Variants in LPP observed in about 807,000 individuals in gnomAD.
LPP encodes the protein LIM domain containing preferred translocation partner in lipoma.
In LPP, 38 loss-of-function variants were observed where a neutral mutation model predicts 60.4. The ratio of observed to expected loss-of-function variants is 0.63; its 90% confidence interval spans 0.49 to 0.83. The LOEUF (loss-of-function observed/expected upper bound fraction) is 0.83, where lower values mean the gene tolerates loss of function less well. LPP is among the 40% of genes least tolerant of loss of function. The pLI, the probability that LPP is intolerant of heterozygous loss-of-function variation, is 0.00. For synonymous variants in LPP, 328 were observed against 290.8 expected, an observed-to-expected ratio of 1.13 and a Z score of -1.30; for missense variants, 902 against 783.6, an observed-to-expected ratio of 1.15 and a Z score of -1.80.
At chr3:188,704,988 T>A (rs1577109574) in intron 7 of LPP, among the ~76,000 whole-genome samples, 2 of 152,274 alleles carry the variant, frequency 1.3e-5, no homozygotes, top group Non-Finnish European at 2.9e-5. Flanking sequence ...AAACTACGTC[T>A]CAACTTTGAA....
chr3:188,376,607 G>A (rs538161489), intron 3 of LPP, among the ~76,000 whole-genome samples: 35 of 152,232 alleles, frequency 2.3e-4, no homozygotes, highest in African/African-American at 7.7e-4. Flanking sequence ...GTCTCTGCAC[G>A]TGAGATGGGT....
At position 188,327,482 on chromosome 3, in the gene LPP, G is replaced by A. The variant is rs548388754; in HGVS notation, c.-66-14181G>A. Reference sequence around the variant, plus strand: ...AGTTCCCATTGTATTCTTATTTTACGTTAAAGAAACAGGTTTGGAGAGATA... The same window carrying A: ...AGTTCCCATTGTATTCTTATTTTACATTAAAGAAACAGGTTTGGAGAGATA... On this transcript the variant is annotated intron_variant, in intron 2 of 11. Transcript: ENST00000617246. Among the ~76,000 whole-genome samples the A allele has an allele frequency of 8.5e-5, 13 of 152,180 alleles. No homozygotes were observed. In the East Asian group the frequency reaches 1.5e-3, roughly 18 times the overall value.
chr3:188,597,399 T>C (rs1840194886), intron 6 of LPP, among the ~76,000 whole-genome samples: 1 of 152,190 alleles, frequency 6.6e-6, no homozygotes, highest in African/African-American at 2.4e-5. Context: ...AAGAAACCCC[T>C]GAATGACTTG....
In LPP at chr3:188,790,313, ATGAG is replaced by A. The variant is rs1482485979; in HGVS notation, c.1410+30034_1410+30037del. The stretch of plus-strand genomic sequence containing the variant: ...TTGTGTTTGAAGAAAAATTTCAAAC[ATGAG>A]TGTTTATATGTGAATGTGTGTGTGG... On this transcript the variant is annotated intron_variant, in intron 9 of 11. Transcript: ENST00000617246. Among the ~76,000 whole-genome samples the A allele has an allele frequency of 3.9e-5, 6 of 152,190 alleles. No homozygotes were observed. In the East Asian group the frequency reaches 1.2e-3, roughly 29 times the overall value.
At chr3:188,445,115 G>T (rs539648308) in intron 4 of LPP, among the ~76,000 whole-genome samples, 9 of 152,310 alleles carry the variant, frequency 5.9e-5, no homozygotes, top group Admixed American at 1.3e-4. Flanking sequence ...AATACCATTT[G>T]ACCCAACAAT....
In LPP at chr3:188,872,711, T is replaced by A; in HGVS notation, c.1658T>A (p.Val553Asp). The change falls in exon 11 of 12, where the codon GTC becomes GAC. Residue 553 changes from valine (V) to aspartate (D), a missense_variant. Val to Asp is a radical substitution (Grantham distance 152). Transcript: ENST00000617246. ...IMPAPGQEET[V>D]RIVALDRDFH... ...CCAGCCCCGGGCCAGGAGGAGACTG[T>A]CCGTATTGTGGCTTTGGATCGAGAT... 6.2e-7 allele frequency: 1 copy of A among 1,614,152 alleles called. No individual in the cohort carries two copies. The highest frequency in any genetic ancestry group is 8.5e-7 in the Non-Finnish European group (1 of 1,180,014).
intron 7 of LPP, among the ~76,000 whole-genome samples, chr3:188,673,127 A>G (rs966724709): frequency 6.6e-6 from 1 of 152,200 alleles, no homozygotes; most frequent in Admixed American, 6.5e-5. Context: ...TTGAAGGAGT[A>G]CAAATTAAAC....
At chr3:188,163,086 T>A (rs1193342910) in intron 1 of LPP, among the ~76,000 whole-genome samples, 1 of 152,220 alleles carries the variant, frequency 6.6e-6, no homozygotes, top group Non-Finnish European at 1.5e-5. Context: ...GCAGTGTCCC[T>A]TCTTCCACTG....
intron 6 of LPP, among the ~76,000 whole-genome samples, chr3:188,557,326 G>T (rs1026087895): frequency 6.6e-6 from 1 of 152,060 alleles, no homozygotes; most frequent in African/African-American, 2.4e-5. Context: ...TTAGATTCTT[G>T]AAAAGCGGTT....
chr3:188,664,425 G>A (rs1266256146), intron 7 of LPP, among the ~76,000 whole-genome samples: 1 of 152,150 alleles, frequency 6.6e-6, no homozygotes, highest in Non-Finnish European at 1.5e-5. Context: ...CTATTTCTTT[G>A]ACTACCAAAA....
At chr3:188,310,373 A>G (rs1753024301) in intron 2 of LPP, among the ~76,000 whole-genome samples, 1 of 152,146 alleles carries the variant, frequency 6.6e-6, no homozygotes, top group Admixed American at 6.5e-5. Flanking sequence ...GAGACAGGCC[A>G]AGGATGCCCG....
intron 1 of LPP, among the ~76,000 whole-genome samples, chr3:188,196,763 G>A (rs1729658250): frequency 6.6e-6 from 1 of 152,148 alleles, no homozygotes; most frequent in Admixed American, 6.5e-5. Context: ...TTTGACCCCT[G>A]CCTCTTTCTG....
At chr3:188,589,056 A>G (rs540888791) in intron 6 of LPP, among the ~76,000 whole-genome samples, 1 of 152,036 alleles carries the variant, frequency 6.6e-6, no homozygotes, top group Non-Finnish European at 1.5e-5. Flanking sequence ...TCCCTACTAC[A>G]AAAAGCTCAG....
At chr3:188,179,197 A>G (rs1331477126) in intron 1 of LPP, 1 of 455,422 alleles carries the variant, frequency 2.2e-6, no homozygotes, top group East Asian at 7.0e-5. Context: ...CTGCCCTCCA[A>G]GGCTTTTGAA....
At chr3:188,581,459 A>T (rs1836087267) in intron 6 of LPP, among the ~76,000 whole-genome samples, 1 of 152,184 alleles carries the variant, frequency 6.6e-6, no homozygotes, top group African/African-American at 2.4e-5. Context: ...GCAATTTAGT[A>T]CTGTTTATAT....
chr3:188,818,241 T>G (rs1056722340), intron 9 of LPP, among the ~76,000 whole-genome samples: 1 of 152,138 alleles, frequency 6.6e-6, no homozygotes, highest in Non-Finnish European at 1.5e-5. Flanking sequence ...CTCCTTTTTT[T>G]CCCCCAGTAC....
intron 9 of LPP, among the ~76,000 whole-genome samples, chr3:188,764,253 C>A (rs1359083155): frequency 6.6e-6 from 1 of 152,094 alleles, no homozygotes; most frequent in Admixed American, 6.5e-5. Flanking sequence ...TTGGGTAAAT[C>A]ATTTAGCTTC....
intron 1 of LPP, chr3:188,178,792 G>A: frequency 1.1e-5 from 2 of 174,626 alleles, no homozygotes; most frequent in South Asian, 2.7e-4. Context: ...ATCGACACAG[G>A]AAACAGACAT....
intron 3 of LPP, among the ~76,000 whole-genome samples, chr3:188,363,586 G>A (rs551960494): frequency 5.3e-5 from 8 of 152,002 alleles, no homozygotes; most frequent in South Asian, 4.1e-4. Context: ...CTTTGCAAAC[G>A]CCCTCCTTCG....
Sources: gnomAD v4.1 joint callset for allele counts (sites outside exome capture counted in the v4.1 genomes callset) on GRCh38, gnomAD v4.1.1 for gene constraint, MANE v1.5 for transcripts, NCBI Gene and HGNC (gene_info 2026-07-23, HGNC 2026-07-21) for gene names.